Variants in VIT observed in about 807,000 individuals in gnomAD.
The protein encoded by VIT is vitrin.
A neutral mutation model predicts 78.0 loss-of-function variants in VIT; 99 were observed. That is an observed-to-expected ratio of 1.27 (90% CI 1.08 to 1.50). The LOEUF is 1.50. Among genes scored for constraint, VIT ranks in the 40% most tolerant of loss-of-function variants. The probability of loss-of-function intolerance (pLI) is 0.00; values close to 1 mark genes in which losing one functional copy is unlikely to be tolerated. For synonymous variants in VIT, 374 were observed against 334.3 expected (o/e 1.12, Z -1.29); for missense variants, 1,126 against 875.3 (o/e 1.29, Z -3.61).
At chr2:36,740,717 A>G (rs1258024173) in intron 3 of VIT, among the ~76,000 whole-genome samples, 3 of 152,242 alleles carry the variant, frequency 2.0e-5, no homozygotes, top group Non-Finnish European at 4.4e-5. Flanking sequence ...AGGGGAAAAA[A>G]AAAGACAAAA....
chr2:36,765,056 T>C (rs1188484550), intron 6 of VIT, among the ~76,000 whole-genome samples: 2 of 152,038 alleles, frequency 1.3e-5, no homozygotes, highest in African/African-American at 4.8e-5. Context: ...CATGTCCTAA[T>C]CCCTGGAACC....
At chr2:36,761,032 G>T (rs1259041624) in intron 6 of VIT, among the ~76,000 whole-genome samples, 1 of 152,052 alleles carries the variant, frequency 6.6e-6, no homozygotes, top group African/African-American at 2.4e-5. Flanking sequence ...GGGACCACAT[G>T]TCAAGCACCC....
intron 4 of VIT, among the ~76,000 whole-genome samples, chr2:36,743,524 T>C (rs1355350470): frequency 6.6e-6 from 1 of 152,230 alleles, no homozygotes; most frequent in East Asian, 1.9e-4. Flanking sequence ...TTTTTTATCT[T>C]TGCTCCTCTA....
At chr2:36,759,422 A>G in intron 6 of VIT, 1 of 1,298,784 alleles carries the variant, frequency 7.7e-7, no homozygotes, top group Non-Finnish European at 9.8e-7. Flanking sequence ...AATGAAGAGA[A>G]GCAAAGAGAA....
At chr2:36,795,777 T>G (rs922369245) in intron 12 of VIT, among the ~76,000 whole-genome samples, 1 of 152,132 alleles carries the variant, frequency 6.6e-6, no homozygotes, top group Non-Finnish European at 1.5e-5. Flanking sequence ...TTTTTTACAT[T>G]TTTGTGCTTG....
chr2:36,746,945 T>G (rs12712520), intron 4 of VIT, among the ~76,000 whole-genome samples: 78,635 of 151,930 alleles, frequency 0.52, 22,338 homozygotes, highest in Non-Finnish European at 0.64. Flanking sequence ...TTTTGTACTA[T>G]AAAATTTCCA....
chr2:36,807,671 G>C (rs564222664), intron 14 of VIT, among the ~76,000 whole-genome samples: 1 of 152,216 alleles, frequency 6.6e-6, no homozygotes, highest in Admixed American at 6.5e-5. Flanking sequence ...CACGCCTTGG[G>C]AACATTATAC....
intron 2 of VIT, 42 bp downstream of exon 2, chr2:36,716,464 T>A: frequency 6.3e-7 from 1 of 1,596,608 alleles, no homozygotes; most frequent in East Asian, 2.2e-5. Flanking sequence ...CTTTTAAAAT[T>A]TTCCTAAGAT....
intron 6 of VIT, among the ~76,000 whole-genome samples, chr2:36,760,286 C>T (rs1159017943): frequency 6.6e-6 from 1 of 152,208 alleles, no homozygotes; most frequent in Non-Finnish European, 1.5e-5. Flanking sequence ...AGCCACTGTT[C>T]CTGGCCCATT....
At chr2:36,781,630 A>C in intron 9 of VIT, 97 bp from the exon 10 acceptor site, 1 of 1,386,102 alleles carries the variant, frequency 7.2e-7, no homozygotes, top group Non-Finnish European at 1.0e-6. Context: ...ACTTTCAGAC[A>C]CAATTGGGAA....
chr2:36,729,272 T>C (rs1397011672), intron 2 of VIT, among the ~76,000 whole-genome samples, 154 bp from the exon 3 acceptor site: 1 of 152,192 alleles, frequency 6.6e-6, no homozygotes, highest in East Asian at 1.9e-4. Context: ...TTTCAGAGAG[T>C]AGCCCCATCA....
At chr2:36,736,765 T>C (rs889726893) in intron 3 of VIT, among the ~76,000 whole-genome samples, 5 of 152,234 alleles carry the variant, frequency 3.3e-5, no homozygotes, top group African/African-American at 1.2e-4. Context: ...AGGCCTCCTG[T>C]ATGCACTGCA....
chr2:36,699,529 T>TATAC (rs566080680), intron 1 of VIT, among the ~76,000 whole-genome samples: 11 of 151,664 alleles, frequency 7.3e-5, no homozygotes, highest in African/African-American at 2.7e-4. Context: ...TATATATATA[T>TATAC]ACACACACAT....
intron 2 of VIT, among the ~76,000 whole-genome samples, chr2:36,721,692 C>T (rs181867536): frequency 6.8e-4 from 103 of 152,184 alleles, no homozygotes; most frequent in African/African-American, 2.4e-3. Flanking sequence ...GCCCCCACTC[C>T]GGCACTGAAC....
At chr2:36,774,065 C>T (rs367959337) in intron 8 of VIT, among the ~76,000 whole-genome samples, 1 of 152,114 alleles carries the variant, frequency 6.6e-6, no homozygotes, top group Non-Finnish European at 1.5e-5. Context: ...TCCCCTGAAG[C>T]GAGTCTGTAG....
rs545290437 is a variant in VIT at position 36,750,575 on chromosome 2, C to T, written c.276-4346C>T. 1.2e-4 allele frequency among the ~76,000 whole-genome samples: 18 copies of T among 152,292 alleles called. No individual in the cohort carries two copies. The East Asian group carries it at 2.3e-3, about 20-fold the overall frequency. ...CGGTGGCTCACACCTGTAATCCCAG[C>T]ACTTTGGGAGGCCAAGATGGGCGTA... On this transcript the variant is annotated intron_variant, in intron 4 of 15. Transcript: ENST00000379242.
intron 13 of VIT, among the ~76,000 whole-genome samples, chr2:36,802,327 C>A (rs1666391754): frequency 1.3e-5 from 2 of 152,188 alleles, no homozygotes; most frequent in South Asian, 4.1e-4. Context: ...AGACTGTCCA[C>A]CTCTCGGGGA....
chr2:36,786,844 T>A (rs560615011), intron 11 of VIT, among the ~76,000 whole-genome samples: 1 of 152,366 alleles, frequency 6.6e-6, no homozygotes, highest in South Asian at 2.1e-4. Context: ...ATTGACAGCC[T>A]TCCCTAGCTT....
intron 2 of VIT, among the ~76,000 whole-genome samples, chr2:36,726,594 G>A (rs989926231): frequency 2.6e-5 from 4 of 152,094 alleles, no homozygotes; most frequent in Non-Finnish European, 5.9e-5. Context: ...GAGGCAGGTG[G>A]ATCACCTGAG....
Sources: allele counts gnomAD v4.1 joint callset (sites outside exome capture counted in the v4.1 genomes callset), GRCh38; gene constraint gnomAD v4.1.1; transcripts MANE v1.5; gene names NCBI Gene and HGNC (gene_info 2026-07-23, HGNC 2026-07-21).